The following SCAF4 variants were observed in gnomAD, a reference collection of about 807,000 sequenced individuals.
SCAF4 encodes SR-related CTD associated factor 4, also known as SR-related and CTD-associated factor 4.
In SCAF4, 25 loss-of-function variants were observed where a neutral mutation model predicts 129.8. That is an observed-to-expected ratio of 0.19 (90% CI 0.14 to 0.27). The LOEUF (loss-of-function observed/expected upper bound fraction) is 0.27. Ranked by LOEUF, SCAF4 falls within the 10% of genes least tolerant of loss-of-function variation. SCAF4 has a pLI of 1.00. For missense variants in SCAF4, 1,246 were observed against 1,457.1 expected (o/e 0.86, Z 2.36); for synonymous variants, 551 against 497.7 (o/e 1.11, Z -1.43).
At position 31,677,145 on chromosome 21, in the gene SCAF4, CA is replaced by C. The variant is rs538884649; in HGVS notation, c.2489-4792del. Among the ~76,000 whole-genome samples the C allele has an allele frequency of 2.1e-3, 321 of 152,132 alleles. 2 individuals carry two copies. The highest frequency in any genetic ancestry group is 7.6e-3 in the African/African-American group (315 of 41,500). ...ACTTTTTCATCCACCCACATGCCAC[CA>C]AATCTACCAATTTACCTGCACCTGA... On this transcript the variant is annotated intron_variant, in intron 19 of 19. Coordinates refer to ENST00000286835, the MANE Select transcript of SCAF4 (RefSeq NM_020706.2).
chr21:31,727,744 T>C (rs564801280), intron 1 of SCAF4, among the ~76,000 whole-genome samples: 2 of 151,860 alleles, frequency 1.3e-5, no homozygotes, highest in Admixed American at 6.6e-5. Flanking sequence ...TGAGCTGAGA[T>C]TGCGCCACTG....
chr21:31,693,585 T>C (rs1033074818), intron 11 of SCAF4, 101 bp from the exon 12 acceptor site: 2 of 679,174 alleles, frequency 2.9e-6, no homozygotes, highest in African/African-American at 3.7e-5. Flanking sequence ...GGTAATTTAA[T>C]GTTTGGGTAT....
chr21:31,721,725 CTTTTTTTT>C (rs1030749806), intron 1 of SCAF4, among the ~76,000 whole-genome samples: 3 of 125,450 alleles, frequency 2.4e-5, no homozygotes, highest in African/African-American at 2.9e-5. Context: ...AAGAGCAATT[CTTTTTTTT>C]TTTTTTTTTT....
At chr21:31,695,071 G>C (rs2050352608) in intron 9 of SCAF4, 91 bp from the exon 10 acceptor site, 2 of 1,029,730 alleles carry the variant, frequency 1.9e-6, no homozygotes, top group Non-Finnish European at 2.8e-6. Flanking sequence ...CCTCAATAAA[G>C]TTTGATCAAG....
intron 9 of SCAF4, among the ~76,000 whole-genome samples, chr21:31,695,650 C>A (rs1363856582): frequency 6.6e-6 from 1 of 152,150 alleles, no homozygotes; most frequent in Non-Finnish European, 1.5e-5. Flanking sequence ...GTTTAAGAAA[C>A]ACTCAATGAG....
At chr21:31,702,190 T>C (rs111926591) in intron 5 of SCAF4, 54 bp downstream of exon 5, 1 of 1,609,402 alleles carries the variant, frequency 6.2e-7, no homozygotes, top group African/African-American at 1.3e-5. Flanking sequence ...TCTGACTGTT[T>C]CATGTGCAAA....
intron 13 of SCAF4, 115 bp from the exon 14 acceptor site, chr21:31,692,045 A>C: frequency 1.6e-6 from 1 of 611,984 alleles, no homozygotes; most frequent in African/African-American, 1.8e-5. Context: ...ATATAATGTA[A>C]GGTTAAATTC....
intron 19 of SCAF4, among the ~76,000 whole-genome samples, chr21:31,677,561 G>A (rs1448222987): frequency 6.6e-6 from 1 of 152,112 alleles, no homozygotes; most frequent in Non-Finnish European, 1.5e-5. Flanking sequence ...ACAGTCACCA[G>A]GAGCCTTCAT....
intron 16 of SCAF4, among the ~76,000 whole-genome samples, chr21:31,686,641 C>T (rs983268893): frequency 6.6e-6 from 1 of 151,988 alleles, no homozygotes; most frequent in African/African-American, 2.4e-5. Flanking sequence ...AGCCACGGAC[C>T]ATTACCAGTC....
At chr21:31,718,953 TA>T (rs2051004473) in intron 1 of SCAF4, among the ~76,000 whole-genome samples, 1 of 152,198 alleles carries the variant, frequency 6.6e-6, no homozygotes, top group Non-Finnish European at 1.5e-5. Context: ...ACACCATTTT[TA>T]GGTTAACTAC....
chr21:31,696,034 C>A, intron 9 of SCAF4, 79 bp downstream of exon 9: 1 of 897,524 alleles, frequency 1.1e-6, no homozygotes, highest in Non-Finnish European at 1.7e-6. Context: ...TACATAGCTG[C>A]AGAGTGCTCT....
At chr21:31,721,024 T>C (rs559459743) in intron 1 of SCAF4, among the ~76,000 whole-genome samples, 1 of 152,340 alleles carries the variant, frequency 6.6e-6, no homozygotes, top group Non-Finnish European at 1.5e-5. Flanking sequence ...AATCCATCCA[T>C]TTAAAATGGA....
rs552163506 is a variant in SCAF4, at chr21:31,724,883, T to C, written c.30+6780A>G. On this transcript the variant is annotated intron_variant, in intron 1 of 19. Transcript: ENST00000286835. ...TCATGTAATTTTTTCTGAAACAGAA[T>C]ACTAGACAAAATGATAGACTAGGGA... Among the ~76,000 whole-genome samples the C allele has an allele frequency of 8.5e-5, 13 of 152,324 alleles. No individual in the cohort carries two copies. In the Middle Eastern group the frequency reaches 0.01, roughly 120 times the overall value.
Position 31,694,957 on chromosome 21 carries a change from T to C in SCAF4, c.1092A>G (p.Gln364=). 6.2e-7 allele frequency: 1 copy of C among 1,614,052 alleles called. No homozygotes were observed. Among genetic ancestry groups the C allele is most frequent in the Non-Finnish European group, 8.5e-7 (1 of 1,179,914 alleles). The change falls in exon 10 of 20, where the codon CAA becomes CAG. Residue 364 remains glutamine (Q), a synonymous_variant. Coordinates refer to ENST00000286835, the MANE Select transcript of SCAF4 (RefSeq NM_020706.2). ...TAGGAAGAAGTCCAAATCCTGGCAT[T>C]TGTCCATTAGGAGGAAGTGGAACCT... The part of the protein sequence containing the change: ...HHQVPLPPNG[Q]MPGFGLLPTP...
intron 1 of SCAF4, among the ~76,000 whole-genome samples, chr21:31,717,934 CACACACACACACAT>C (rs1353618894): frequency 2.8e-4 from 40 of 144,384 alleles, no homozygotes; most frequent in Admixed American, 4.1e-4. Flanking sequence ...CACACACACA[CACACACACACACAT>C]ATATATTTTT....
chr21:31,712,082 G>A (rs1484402152), intron 1 of SCAF4, among the ~76,000 whole-genome samples: 1 of 152,106 alleles, frequency 6.6e-6, no homozygotes, highest in African/African-American at 2.4e-5. Context: ...GGGCATGAGG[G>A]AAAGCTTTAA....
At position 31,693,421 on chromosome 21, in the gene SCAF4, A is replaced by T. The variant is rs745673042; in HGVS notation, c.1386T>A (p.Ser462=). Residue 462 remains serine (S), a synonymous_variant, in exon 12 of 20, where the codon TCT becomes TCA. Transcript: ENST00000286835. ...SRSRRSRHRR[S]RSRSRDRRRH... ...GGCGTCTATCCCTGGACCGAGATCG[A>T]GAACGTCGATGCCGAGACCTTCGAG... 6.4e-7 allele frequency: 1 copy of T among 1,568,194 alleles called. No individual in the cohort carries two copies. The highest frequency in any genetic ancestry group is 8.7e-7 in the Non-Finnish European group (1 of 1,147,996).
intron 1 of SCAF4, among the ~76,000 whole-genome samples, chr21:31,721,725 C>CTGTTTTTT (rs1335252824): frequency 2.4e-5 from 3 of 125,450 alleles, no homozygotes; most frequent in African/African-American, 8.8e-5. Flanking sequence ...AAGAGCAATT[C>CTGTTTTTT]TTTTTTTTTT....
chr21:31,696,825 G>A, intron 7 of SCAF4, 75 bp from the exon 8 acceptor site: 4 of 1,266,520 alleles, frequency 3.2e-6, no homozygotes, highest in Non-Finnish European at 4.4e-6. Flanking sequence ...TGAAAACAAG[G>A]GATGTTTACC....
Sources: gnomAD v4.1 joint callset for allele counts (sites outside exome capture counted in the v4.1 genomes callset) on GRCh38, gnomAD v4.1.1 for gene constraint, MANE v1.5 for transcripts, NCBI Gene and HGNC (gene_info 2026-07-23, HGNC 2026-07-21) for gene names.